USP24: variants seen among roughly 807,000 people sequenced by gnomAD.
The protein encoded by USP24 is ubiquitin specific peptidase 24.
USP24 carries 97 observed loss-of-function variants against 361.6 expected under a neutral mutation model. That is an observed-to-expected ratio of 0.27 (90% confidence interval 0.23 to 0.32). The LOEUF is 0.32. USP24 is among the 10% of genes least tolerant of loss of function. The probability of loss-of-function intolerance (pLI) is 1.00; values close to 1 mark genes in which losing one functional copy is unlikely to be tolerated. For synonymous variants in USP24, 1,098 were observed against 1,124.6 expected (o/e 0.98, Z 0.47); for missense variants, 2,353 against 3,165.6 (o/e 0.74, Z 6.16).
intron 49 of USP24, 79 bp downstream of exon 49, chr1:55,096,873 C>T (rs1570392128): frequency 2.0e-6 from 3 of 1,513,046 alleles, no homozygotes; most frequent in East Asian, 2.4e-5. Flanking sequence ...TGTCCCTGCA[C>T]CACAGCGGTG....
intron 1 of USP24, among the ~76,000 whole-genome samples, chr1:55,198,081 A>G (rs1644465757): frequency 6.6e-6 from 1 of 152,212 alleles, no homozygotes. Context: ...ATTCTGCACA[A>G]ATTTTTACTA....
intron 1 of USP24, among the ~76,000 whole-genome samples, chr1:55,181,313 T>C (rs746615830): frequency 5.9e-5 from 9 of 152,132 alleles, no homozygotes; most frequent in Non-Finnish European, 1.3e-4. Context: ...TAATTAAGCA[T>C]AGAAGACAAT....
At chr1:55,075,621 G>A (rs1645009489) in intron 62 of USP24, 98 bp from the exon 63 acceptor site, 1 of 725,026 alleles carries the variant, frequency 1.4e-6, no homozygotes, top group African/African-American at 2.0e-5. Context: ...TTAATTTAGT[G>A]TTTGACAACA....
chr1:55,122,331 A>G (rs1456581939), intron 36 of USP24, among the ~76,000 whole-genome samples: 1 of 152,146 alleles, frequency 6.6e-6, no homozygotes. Flanking sequence ...TGCTGGGGGA[A>G]CAGCAAGGAG....
chr1:55,100,829 G>A lies in USP24; in HGVS notation c.5271+10C>T, dbSNP rs1645615377. 1 of 1,598,234 alleles carries A rather than the reference G, an allele frequency of 6.3e-7. No individual in the cohort carries two copies. The highest frequency in any genetic ancestry group is 8.5e-7 in the Non-Finnish European group (1 of 1,174,230). ...CATCTTTAAATCTCAAGAGTTACTG[G>A]GTGAAATACCTTCCAAAAATTCTCA... is the stretch of plus-strand genomic sequence containing the variant. On this transcript the variant is annotated intron_variant, in intron 44 of 67. Transcript: ENST00000294383.
intron 52 of USP24, 184 bp downstream of exon 52, chr1:55,093,753 C>A: frequency 1.4e-6 from 1 of 704,954 alleles, no homozygotes; most frequent in Non-Finnish European, 2.2e-6. Context: ...GTGTTCTTAG[C>A]ACTCCATGGC....
At chr1:55,089,443 C>T (rs1310281146) in intron 55 of USP24, among the ~76,000 whole-genome samples, 184 bp downstream of exon 55, 1 of 152,216 alleles carries the variant, frequency 6.6e-6, no homozygotes, top group Non-Finnish European at 1.5e-5. Context: ...TCACTGAATA[C>T]TTGCCTGAGA....
At chr1:55,087,286 T>C (rs1038018796) in intron 55 of USP24, among the ~76,000 whole-genome samples, 4 of 152,124 alleles carry the variant, frequency 2.6e-5, no homozygotes, top group Non-Finnish European at 4.4e-5. Flanking sequence ...TATAATAAAC[T>C]CCATCAGGAA....
chr1:55,193,082 T>C (rs1644331277), intron 1 of USP24, among the ~76,000 whole-genome samples: 2 of 152,182 alleles, frequency 1.3e-5, no homozygotes, highest in Admixed American at 6.5e-5. Flanking sequence ...AGTCCTTAAA[T>C]ACATAGAAAG....
chr1:55,147,736 G>T lies in USP24; in HGVS notation c.2031C>A (p.Ile677=), dbSNP rs1037223065. 1 of 1,612,654 alleles carries T rather than the reference G, an allele frequency of 6.2e-7. No individual in the cohort carries two copies. Among genetic ancestry groups the T allele is most frequent in the Non-Finnish European group, 8.5e-7 (1 of 1,179,230 alleles). The change falls in exon 18 of 68, where the codon ATC becomes ATA. Residue 677 remains isoleucine (I), a synonymous_variant. Coordinates refer to ENST00000294383, the MANE Select transcript of USP24 (RefSeq NM_015306.3). ...CAGCAGCTGCAAGCCGATGACAAGCGATCAAACTTCCCGTTACCAATTTCA... is the reference window on the plus strand; with the variant it reads ...CAGCAGCTGCAAGCCGATGACAAGCTATCAAACTTCCCGTTACCAATTTCA... ...EIVKLVTGSL[I]ACHRLAAAVA... is the part of the protein sequence containing the mutation.
intron 56 of USP24, among the ~76,000 whole-genome samples, chr1:55,085,025 G>A (rs1464374042): frequency 6.6e-6 from 1 of 152,174 alleles, no homozygotes; most frequent in Non-Finnish European, 1.5e-5. Flanking sequence ...TGGAGCAATG[G>A]CATTTGAACT....
At chr1:55,103,370 T>C (rs920116703) in intron 42 of USP24, among the ~76,000 whole-genome samples, 3 of 152,210 alleles carry the variant, frequency 2.0e-5, no homozygotes, top group African/African-American at 7.2e-5. Flanking sequence ...TCACATTACA[T>C]TGAAACTATC....
In USP24 at chr1:55,215,258, GC is replaced by G; in HGVS notation, c.-146del. On this transcript the variant is annotated 5_prime_UTR_variant, in exon 1 of 68. Transcript: ENST00000294383. ...GCCCCGGGTGCTCCGCAGCAGCCGG[GC>G]CAGGCTGGGTGCGGGCTTGGGTCCT... 1 of 604,014 alleles carries G rather than the reference GC, an allele frequency of 1.7e-6. No homozygotes were observed. The highest frequency in any genetic ancestry group is 2.3e-6 in the Non-Finnish European group (1 of 432,616). The allele number at this position is 604,014 out of a possible 1,614,324, so 37.4% of individuals were successfully genotyped here. A position where few individuals can be genotyped will look rare whatever the true frequency, so the allele number is the denominator to read the frequency against.
chr1:55,206,719 T>C (rs926741025), intron 1 of USP24, among the ~76,000 whole-genome samples: 3 of 145,314 alleles, frequency 2.1e-5, no homozygotes, highest in African/African-American at 5.1e-5. Flanking sequence ...ACAGTGAGGA[T>C]AGAGGGAAGG....
chr1:55,124,540 C>A lies in USP24; in HGVS notation c.4049G>T (p.Gly1350Val). The A allele has an allele frequency of 1.9e-6, 3 of 1,613,842 alleles. No individual in the cohort carries two copies. The highest frequency in any genetic ancestry group is 2.5e-6 in the Non-Finnish European group (3 of 1,179,860). Reference protein sequence around the residue: ...AAAAGRLDLVGSSQPIKESNS... With the variant: ...AAAAGRLDLVVSSQPIKESNS... ...ACTTTCTTTAATTGGCTGGCTACTC[C>A]CAACAAGATCAAGCCGTCCTGCAGC... is the stretch of plus-strand genomic sequence containing the variant. Residue 1350 changes from glycine (G) to valine (V), a missense_variant, in exon 35 of 68, where the codon GGG (glycine) becomes GTG (valine). Transcript: ENST00000294383.
At chr1:55,206,988 G>A (rs547688588) in intron 1 of USP24, among the ~76,000 whole-genome samples, 4 of 152,090 alleles carry the variant, frequency 2.6e-5, no homozygotes, top group South Asian at 4.2e-4. Flanking sequence ...GCAACATGGC[G>A]AAACCCTATA....
At chr1:55,092,963 C>A in intron 52 of USP24, 47 bp from the exon 53 acceptor site, 1 of 1,255,878 alleles carries the variant, frequency 8.0e-7, no homozygotes. Context: ...GAAAAATATT[C>A]AATATGTGAA....
chr1:55,193,966 T>C (rs1177609411), intron 1 of USP24, among the ~76,000 whole-genome samples: 1 of 152,160 alleles, frequency 6.6e-6, no homozygotes, highest in Non-Finnish European at 1.5e-5. Context: ...TTAAGCATAC[T>C]TGAAAGTATT....
At chr1:55,137,933 G>A in intron 26 of USP24, 29 bp from the exon 27 acceptor site, 1 of 1,544,384 alleles carries the variant, frequency 6.5e-7, no homozygotes, top group Non-Finnish European at 8.8e-7. Flanking sequence ...CACGTTGTGA[G>A]AGAATTCATT....
Sources: gnomAD v4.1 joint callset for allele counts (sites outside exome capture counted in the v4.1 genomes callset) on GRCh38, gnomAD v4.1.1 for gene constraint, MANE v1.5 for transcripts, NCBI Gene and HGNC (gene_info 2026-07-23, HGNC 2026-07-21) for gene names.